PLAGL1: variants seen among roughly 807,000 people sequenced by gnomAD.
PLAGL1 encodes PLAG1 like zinc finger 1.
Under a neutral mutation model 4.6 loss-of-function variants are expected in PLAGL1, and 1 was observed. The ratio of observed to expected loss-of-function variants is 0.22; its 90% confidence interval spans 0.08 to 1.03. The LOEUF (loss-of-function observed/expected upper bound fraction) is 1.03, where lower values mean the gene tolerates loss of function less well. PLAGL1 is among the 50% of genes least tolerant of loss of function. The pLI is 0.58. For synonymous variants in PLAGL1, 240 were observed against 237.8 expected, an observed-to-expected ratio of 1.01 and a Z score of -0.08; for missense variants, 464 against 570.4, an observed-to-expected ratio of 0.81 and a Z score of 1.90.
At chr6:143,946,685 A>G (rs1029826355) in intron 7 of PLAGL1, among the ~76,000 whole-genome samples, 2 of 152,236 alleles carry the variant, frequency 1.3e-5, no homozygotes, top group Non-Finnish European at 2.9e-5. Flanking sequence ...CCAAGATTTC[A>G]TAATGTGGTC....
Position 143,941,382 on chromosome 6 carries a change from A to AAAAC in PLAGL1, c.*38_*41dup, listed in dbSNP as rs1324927205. The AAAAC allele has an allele frequency of 6.9e-7, 1 of 1,444,304 alleles. No individual in the cohort carries two copies. The highest frequency in any genetic ancestry group is 9.3e-7 in the Non-Finnish European group (1 of 1,079,456). 89.5% of individuals were successfully genotyped at this position (1,444,304 alleles called of 1,614,324 possible). A position where few individuals can be genotyped will look rare whatever the true frequency, so the allele number is the denominator to read the frequency against. On this transcript the variant is annotated 3_prime_UTR_variant, in exon 8 of 8. Coordinates refer to ENST00000674357, the MANE Select transcript of PLAGL1 (RefSeq NM_001317162.2). This position sits in a 1 kb window ranked among gnomAD's most constrained non-coding sequence, Gnocchi z 6.0. ...GTAACTGACATTTAAAATGCTTCTTAAAACATCTTCCAGAATACGAAAAAT... is the reference window on the plus strand; with the variant it reads ...GTAACTGACATTTAAAATGCTTCTTAAAACAAACATCTTCCAGAATACGAAAAAT...
upstream of PLAGL1, chr6:144,008,859 C>T (rs1794901399): frequency 6.6e-6 from 1 of 152,160 alleles, no homozygotes; most frequent in Non-Finnish European, 1.5e-5. The surrounding 1 kb of genome is among the most constrained non-coding windows in gnomAD (Gnocchi z 6.9). Context: ...GGAGAAATAC[C>T]CGTCTCACAG....
At chr6:144,007,236 T>G (rs1340376960) in intron 1 of PLAGL1, 1 of 152,228 alleles carries the variant, frequency 6.6e-6, no homozygotes, top group African/African-American at 2.4e-5. Flanking sequence ...ACTTACCATG[T>G]GCTAAGTAAG....
intron 1 of PLAGL1, among the ~76,000 whole-genome samples, chr6:144,046,602 G>A (rs1185783425): frequency 6.6e-6 from 1 of 152,162 alleles, no homozygotes; most frequent in African/African-American, 2.4e-5. Flanking sequence ...GGTGTTAGTT[G>A]GCCCCTACTG....
Position 143,978,107 on chromosome 6 carries a change from G to T in PLAGL1, c.-544+7028C>A, listed in dbSNP as rs1787117694. ...CTGGCTAGAGATTTATCATTTTACT[G>T]ATCTTTTCAAAGAACCAGCTTTTTA... On this transcript the variant is annotated intron_variant, in intron 2 of 7. Transcript: ENST00000674357. This position sits in a 1 kb window ranked among gnomAD's most constrained non-coding sequence, Gnocchi z 4.6. 6.6e-6 allele frequency among the ~76,000 whole-genome samples: 1 copy of T among 152,014 alleles called. No homozygotes were observed.
At position 143,964,771 on chromosome 6, in the gene PLAGL1, G is replaced by C. The variant is rs905113617; in HGVS notation, c.-399+16C>G. On this transcript the variant is annotated intron_variant, in intron 5 of 7. Transcript: ENST00000674357. The surrounding 1 kb of genome is among the most constrained non-coding windows in gnomAD (Gnocchi z 4.3). ...AGGAAGGAAGGAAACAAGGGCAGAT[G>C]TTAGAGTATACTCACAAGATTAACT... 1 of 152,286 alleles carries C rather than the reference G, an allele frequency of 6.6e-6. No homozygotes were observed. Among genetic ancestry groups the C allele is most frequent in the Non-Finnish European group, 1.5e-5 (1 of 68,100 alleles). 9.4% of individuals were successfully genotyped at this position (152,286 alleles called of 1,614,324 possible).
chr6:143,989,166 GGTGCCCCA>G lies in PLAGL1; in HGVS notation c.-583-4000_-583-3993del, dbSNP rs1789855958. Among the ~76,000 whole-genome samples the G allele has an allele frequency of 6.6e-6, 1 of 152,146 alleles. No individual in the cohort carries two copies. The highest frequency in any genetic ancestry group is 1.5e-5 in the Non-Finnish European group (1 of 68,014). On this transcript the variant is annotated intron_variant, in intron 1 of 7. Transcript: ENST00000674357. This position sits in a 1 kb window ranked among gnomAD's most constrained non-coding sequence, Gnocchi z 4.8. ...AGATAGGCAGCTCAGTGTGTCTGGG[GGTGCCCCA>G]GGGGACATTAAAAACGCACAGAAAC...
rs1056611837 is a variant in PLAGL1, at chr6:143,979,506, G to A, written c.-544+5629C>T. Among the ~76,000 whole-genome samples the A allele has an allele frequency of 2.0e-5, 3 of 151,666 alleles. No homozygotes were observed. Among genetic ancestry groups the A allele is most frequent in the Non-Finnish European group, 4.4e-5 (3 of 67,884 alleles). Reference sequence around the variant, plus strand: ...CTTATAACTATGTTTTGATATCTTCGTGGTTGCTGTAGAGTTTATAGTTAT... The same window carrying A: ...CTTATAACTATGTTTTGATATCTTCATGGTTGCTGTAGAGTTTATAGTTAT... On this transcript the variant is annotated intron_variant, in intron 2 of 7. Coordinates refer to ENST00000674357, the MANE Select transcript of PLAGL1 (RefSeq NM_001317162.2). This position sits in a 1 kb window ranked among gnomAD's most constrained non-coding sequence, Gnocchi z 4.6.
At chr6:144,045,279 C>T (rs767903018) in intron 1 of PLAGL1, among the ~76,000 whole-genome samples, 4 of 152,076 alleles carry the variant, frequency 2.6e-5, no homozygotes, top group Non-Finnish European at 2.9e-5. Flanking sequence ...TTCCTAGTAT[C>T]GATGGTCTTT....
chr6:143,942,298 C>T lies in PLAGL1; in HGVS notation c.518G>A (p.Arg173His). The change falls in exon 8 of 8, where the codon CGC becomes CAC. Residue 173 changes from arginine (R) to histidine (H), a missense_variant. By Grantham distance (29) the Arg-to-His change is conservative (BLOSUM62 0). Transcript: ENST00000674357. This position sits in a 1 kb window ranked among gnomAD's most constrained non-coding sequence, Gnocchi z 7.6. ...GCATCCTGTGTGGACCACCAGGTGG[C>T]GTCGCACATCCTTCCGGGTGTAGAA... ...RCFYTRKDVR[R>H]HLVVHTGCKD... 6.2e-7 allele frequency: 1 copy of T among 1,614,016 alleles called. No homozygotes were observed. Among genetic ancestry groups the T allele is most frequent in the Non-Finnish European group, 8.5e-7 (1 of 1,179,970 alleles).
At chr6:144,014,150 G>A (rs1189531697) in intron 1 of PLAGL1, among the ~76,000 whole-genome samples, 1 of 152,192 alleles carries the variant, frequency 6.6e-6, no homozygotes, top group African/African-American at 2.4e-5. Context: ...ATAGGGTAAT[G>A]GCTGGGCATG....
intron 1 of PLAGL1, among the ~76,000 whole-genome samples, chr6:144,003,551 G>A (rs1793426823): frequency 6.6e-6 from 1 of 150,868 alleles, no homozygotes; most frequent in African/African-American, 2.4e-5. Flanking sequence ...ATGAACCTGG[G>A]AGGCGGAGTT....
Position 143,989,855 on chromosome 6 carries a change from T to C in PLAGL1, c.-583-4681A>G, listed in dbSNP as rs565071347. Among the ~76,000 whole-genome samples, 3 of 152,274 alleles carry C rather than the reference T, an allele frequency of 2.0e-5. No homozygotes were observed. Among genetic ancestry groups the C allele is most frequent in the Non-Finnish European group, 2.9e-5 (2 of 68,030 alleles). On this transcript the variant is annotated intron_variant, in intron 1 of 7. Transcript: ENST00000674357. This position sits in a 1 kb window ranked among gnomAD's most constrained non-coding sequence, Gnocchi z 4.8. ...CTTCTCTCCTATCTTCCAATTGCCT[T>C]CCCCACTCCTAATACTTAACACATA... is the stretch of plus-strand genomic sequence containing the variant.
At chr6:144,002,579 G>A (rs571695761) in intron 1 of PLAGL1, among the ~76,000 whole-genome samples, 41 of 151,634 alleles carry the variant, frequency 2.7e-4, no homozygotes, top group African/African-American at 8.5e-4. Flanking sequence ...TTTAGCAAGC[G>A]CACAAAATAC....
At chr6:144,001,506 C>T (rs1244579470) in intron 1 of PLAGL1, among the ~76,000 whole-genome samples, 2 of 152,014 alleles carry the variant, frequency 1.3e-5, no homozygotes, top group African/African-American at 4.8e-5. Context: ...AATTATTGGA[C>T]AAAACTTTAA....
chr6:144,009,026 G>T (rs1794917895), upstream of PLAGL1, among the ~76,000 whole-genome samples: 1 of 152,142 alleles, frequency 6.6e-6, no homozygotes, highest in African/African-American at 2.4e-5. Flanking sequence ...CCTAAAAGAC[G>T]TGCTTTTTAA....
rs1784387126 is a variant in PLAGL1, at chr6:143,966,179, T to C, written c.-452A>G. 6.6e-6 allele frequency: 1 copy of C among 152,196 alleles called. No homozygotes were observed. Among genetic ancestry groups the C allele is most frequent in the Non-Finnish European group, 1.5e-5 (1 of 68,042 alleles). 9.4% of individuals were successfully genotyped at this position (152,196 alleles called of 1,614,324 possible). A position where few individuals can be genotyped will look rare whatever the true frequency, so the allele number is the denominator to read the frequency against. ...TTGCCTGTTTGGAATTCTTCAATGGTCCCATTAGGTTTCTGTCGACTGCAA... is the reference window on the plus strand; with the variant it reads ...TTGCCTGTTTGGAATTCTTCAATGGCCCCATTAGGTTTCTGTCGACTGCAA... On this transcript the variant is annotated 5_prime_UTR_variant, in exon 4 of 8. Coordinates refer to ENST00000674357, the MANE Select transcript of PLAGL1 (RefSeq NM_001317162.2). The surrounding 1 kb of genome is among the most constrained non-coding windows in gnomAD (Gnocchi z 6.0).
Position 143,958,032 on chromosome 6 carries a change from G to A in PLAGL1, c.-325+2437C>T, listed in dbSNP as rs2128549296. ...ACAGAGAAGAGCTCGGAGTCATGAA[G>A]CAGCATAGGGCAATGTGGAACACGT... On this transcript the variant is annotated intron_variant, in intron 6 of 7. Coordinates refer to ENST00000674357, the MANE Select transcript of PLAGL1 (RefSeq NM_001317162.2). The surrounding 1 kb of genome is among the most constrained non-coding windows in gnomAD (Gnocchi z 5.1). Among the ~76,000 whole-genome samples the A allele has an allele frequency of 6.6e-6, 1 of 152,326 alleles. No individual in the cohort carries two copies. The highest frequency in any genetic ancestry group is 2.1e-4 in the South Asian group (1 of 4,824).
intron 6 of PLAGL1, among the ~76,000 whole-genome samples, chr6:143,951,823 G>T (rs570646732): frequency 6.6e-6 from 1 of 152,130 alleles, no homozygotes; most frequent in Non-Finnish European, 1.5e-5. Flanking sequence ...TGAGTTCCAG[G>T]TCTGTGTGTT....
Sources: gnomAD v4.1 joint callset for allele counts (sites outside exome capture counted in the v4.1 genomes callset) on GRCh38, gnomAD v4.1.1 for gene constraint, Gnocchi (gnomAD v3.1) non-coding constraint, MANE v1.5 for transcripts, NCBI Gene and HGNC (gene_info 2026-07-23, HGNC 2026-07-21) for gene names.